The following ADGB variants were observed in gnomAD, a reference collection of about 807,000 sequenced individuals.
ADGB encodes the protein calpain-7-like protein.
In ADGB, 172 loss-of-function variants were observed where a neutral mutation model predicts 210.5. The ratio of observed to expected loss-of-function variants is 0.82; its 90% CI spans 0.72 to 0.93. The LOEUF is 0.93. ADGB is among the 40% of genes least tolerant of loss of function. The pLI is 0.00. For missense variants in ADGB, 2,025 were observed against 1,964.8 expected (o/e 1.03, Z -0.58); for synonymous variants, 658 against 662.7 (o/e 0.99, Z 0.11).
At chr6:146,630,964 T>C (rs17076148) in intron 1 of ADGB, among the ~76,000 whole-genome samples, 13,295 of 152,086 alleles carry the variant, frequency 0.087, 612 homozygotes, top group East Asian at 0.13. Flanking sequence ...CAACACAGGA[T>C]TACCCTGGAG....
intron 1 of ADGB, among the ~76,000 whole-genome samples, chr6:146,627,307 T>C (rs1176111622): frequency 6.6e-6 from 1 of 152,174 alleles, no homozygotes; most frequent in African/African-American, 2.4e-5. Context: ...CATATGTTCT[T>C]ATTTTTTTAT....
intron 29 of ADGB, among the ~76,000 whole-genome samples, chr6:146,781,259 C>T (rs1394826480): frequency 1.3e-5 from 2 of 149,590 alleles, no homozygotes; most frequent in Admixed American, 1.3e-4. Context: ...AGGACAATGG[C>T]GTGAACCCGG....
intron 5 of ADGB, among the ~76,000 whole-genome samples, chr6:146,663,592 G>A (rs1775897285): frequency 6.6e-6 from 1 of 151,976 alleles, no homozygotes; most frequent in African/African-American, 2.4e-5. Flanking sequence ...TACACACATA[G>A]ACACATGCAC....
intron 5 of ADGB, 49 bp from the exon 6 acceptor site, chr6:146,664,152 A>AAG: frequency 2.7e-6 from 4 of 1,473,490 alleles, no homozygotes; most frequent in Non-Finnish European, 3.6e-6. Context: ...TACGAGAGAA[A>AAG]AGACTGTAAG....
chr6:146,640,999 A>C (rs557292738), intron 2 of ADGB, among the ~76,000 whole-genome samples: 1 of 151,976 alleles, frequency 6.6e-6, no homozygotes, highest in Non-Finnish European at 1.5e-5. Context: ...ACATAATTCT[A>C]TATCTAGAAA....
At chr6:146,765,930 C>T (rs1777566883) in intron 28 of ADGB, among the ~76,000 whole-genome samples, 1 of 151,674 alleles carries the variant, frequency 6.6e-6, no homozygotes, top group Non-Finnish European at 1.5e-5. Context: ...ATTAATAAAA[C>T]CCAGGGTACT....
At chr6:146,774,790 A>G (rs888364924) in intron 29 of ADGB, among the ~76,000 whole-genome samples, 11 of 152,194 alleles carry the variant, frequency 7.2e-5, no homozygotes, top group Non-Finnish European at 1.6e-4. Flanking sequence ...AATTACATAT[A>G]TAGAAAAATT....
Position 146,799,075 on chromosome 6 carries a change from A to C in ADGB, c.4538-2108A>C, listed in dbSNP as rs1041204111. Among the ~76,000 whole-genome samples the C allele has an allele frequency of 1.8e-4, 27 of 151,008 alleles. 1 individual carries two copies. Among genetic ancestry groups the C allele is most frequent in the African/African-American group, 5.8e-4 (24 of 41,172 alleles). On this transcript the variant is annotated intron_variant, in intron 33 of 35. Transcript: ENST00000397944. ...TGGAAATGCAAAAAAAAAAAAAAAA[A>C]AAAACAGAAAAGCCAAAATAATTTT...
chr6:146,610,542 G>C (rs1455738355), intron 1 of ADGB, among the ~76,000 whole-genome samples: 1 of 152,152 alleles, frequency 6.6e-6, no homozygotes, highest in African/African-American at 2.4e-5. Flanking sequence ...TGAAGCCCTT[G>C]AGGGTTTGAG....
Position 146,726,137 on chromosome 6 carries a change from C to G in ADGB, c.2292C>G (p.Ile764Met), listed in dbSNP as rs1373972838. The part of the protein sequence containing the change: ...AYSPVGHSIH[I>M]CSMVSFVIGD... ...CCCCAGTAGGACACTCCATACACAT[C>G]TGCAGCATGGTGTCATTTGTCATTG... Residue 764 changes from isoleucine to methionine, a missense_variant, in exon 19 of 36, where the codon ATC becomes ATG. Transcript: ENST00000397944. 2 of 1,549,990 alleles carry G rather than the reference C, an allele frequency of 1.3e-6. No individual in the cohort carries two copies. Among genetic ancestry groups the G allele is most frequent in the Non-Finnish European group, 1.7e-6 (2 of 1,145,330 alleles).
At chr6:146,678,564 T>G (rs982044116) in intron 9 of ADGB, among the ~76,000 whole-genome samples, 1 of 152,178 alleles carries the variant, frequency 6.6e-6, no homozygotes, top group Non-Finnish European at 1.5e-5. Flanking sequence ...AGAGGTGTTG[T>G]AGTTAATTCT....
At chr6:146,760,883 C>T (rs1018066042) in intron 27 of ADGB, among the ~76,000 whole-genome samples, 4 of 151,886 alleles carry the variant, frequency 2.6e-5, no homozygotes, top group African/African-American at 7.2e-5. Context: ...GCTTACTGAA[C>T]ATGTGTATAA....
rs1315222115 is a variant in ADGB at position 146,726,136 on chromosome 6, T to A, written c.2291T>A (p.Ile764Asn). ...AYSPVGHSIHICSMVSFVIGD... is the reference protein window; with the variant it reads ...AYSPVGHSIHNCSMVSFVIGD... Reference sequence around the variant, plus strand: ...TCCCCAGTAGGACACTCCATACACATCTGCAGCATGGTGTCATTTGTCATT... The same window carrying A: ...TCCCCAGTAGGACACTCCATACACAACTGCAGCATGGTGTCATTTGTCATT... The change falls in exon 19 of 36, where the codon ATC becomes AAC. Residue 764 changes from isoleucine to asparagine, a missense_variant. By Grantham distance (149) the Ile-to-Asn change is moderately radical (BLOSUM62 -3). Coordinates refer to ENST00000397944, the MANE Select transcript of ADGB (RefSeq NM_024694.4). 2 of 1,549,886 alleles carry A rather than the reference T, an allele frequency of 1.3e-6. No individual in the cohort carries two copies. Among genetic ancestry groups the A allele is most frequent in the East Asian group, 2.4e-5 (1 of 40,832 alleles).
intron 33 of ADGB, among the ~76,000 whole-genome samples, chr6:146,793,430 G>C (rs1191914955): frequency 6.6e-6 from 1 of 152,168 alleles, no homozygotes; most frequent in African/African-American, 2.4e-5. Context: ...GCTACTTCCT[G>C]CTGGATGGGG....
rs1301045682 is a variant in ADGB, at chr6:146,733,926, C to A, written c.2690C>A (p.Thr897Lys). 1 of 1,551,418 alleles carries A rather than the reference C, an allele frequency of 6.4e-7. No homozygotes were observed. The highest frequency in any genetic ancestry group is 1.4e-5 in the African/African-American group (1 of 72,974). Residue 897 changes from threonine (T) to lysine (K), a missense_variant, in exon 22 of 36, where the codon ACA (threonine) becomes AAA (lysine). Transcript: ENST00000397944. The stretch of plus-strand genomic sequence containing the variant: ...CTGGACGTTAAATATTGTATGCCCA[C>A]AAGTGATAAAGAGTATTCTGCTGAG... ...EWLDVKYCMPTSDKEYSAEEV... is the reference protein window; with the variant it reads ...EWLDVKYCMPKSDKEYSAEEV...
chr6:146,811,838 A>AT (rs969173041), intron 35 of ADGB, among the ~76,000 whole-genome samples: 34 of 150,604 alleles, frequency 2.3e-4, no homozygotes, highest in East Asian at 7.8e-4. Flanking sequence ...CGCCTGGCTA[A>AT]TTTTTTTTTC....
chr6:146,599,533 T>C (rs1389022324), intron 1 of ADGB, among the ~76,000 whole-genome samples: 1 of 152,172 alleles, frequency 6.6e-6, no homozygotes, highest in Non-Finnish European at 1.5e-5. Context: ...TTCACCTTAA[T>C]GGTGATTTTC....
At chr6:146,797,698 A>C (rs535127629) in intron 33 of ADGB, among the ~76,000 whole-genome samples, 1 of 152,158 alleles carries the variant, frequency 6.6e-6, no homozygotes, top group Admixed American at 6.5e-5. Flanking sequence ...TCTCACTTAT[A>C]AGTGGGAGCT....
chr6:146,693,978 G>A (rs762433838), intron 12 of ADGB, among the ~76,000 whole-genome samples: 7 of 152,160 alleles, frequency 4.6e-5, no homozygotes, highest in South Asian at 2.1e-4. Context: ...TCACAGACAC[G>A]TATATATTTT....
Sources: allele counts gnomAD v4.1 joint callset (sites outside exome capture counted in the v4.1 genomes callset), GRCh38; gene constraint gnomAD v4.1.1; transcripts MANE v1.5; gene names NCBI Gene and HGNC (gene_info 2026-07-23, HGNC 2026-07-21).